Variants in PLEKHA6 observed in about 807,000 individuals in gnomAD.
The protein encoded by PLEKHA6 is pleckstrin homology domain containing A6.
Under a neutral mutation model 116.7 loss-of-function variants are expected in PLEKHA6, and 60 were observed. The ratio of observed to expected loss-of-function variants is 0.51; its 90% confidence interval spans 0.42 to 0.64. The LOEUF (loss-of-function observed/expected upper bound fraction) is 0.64. Among genes scored for constraint, PLEKHA6 ranks in the 30% least tolerant of loss-of-function variants. The probability of loss-of-function intolerance (pLI) is 0.00; values close to 1 mark genes in which losing one functional copy is unlikely to be tolerated. For missense variants in PLEKHA6, 1,338 were observed against 1,422.7 expected (o/e 0.94, Z 0.96); for synonymous variants, 489 against 556.1 (o/e 0.88, Z 1.70).
chr1:204,226,036 A>C lies in PLEKHA6; in HGVS notation c.3031+2047T>G, dbSNP rs554512938. 3.8e-4 allele frequency among the ~76,000 whole-genome samples: 58 copies of C among 152,164 alleles called. No individual in the cohort carries two copies. The Middle Eastern group carries it at 0.014, about 36-fold the overall frequency. On this transcript the variant is annotated intron_variant, in intron 21 of 22. Coordinates refer to ENST00000272203, the MANE Select transcript of PLEKHA6 (RefSeq NM_014935.5). Reference sequence around the variant, plus strand: ...ACACCACACGCGGGCACTGAACTCTACTCGCTGCACCCGCTGCACGCTGTG... The same window carrying C: ...ACACCACACGCGGGCACTGAACTCTCCTCGCTGCACCCGCTGCACGCTGTG...
intron 1 of PLEKHA6, among the ~76,000 whole-genome samples, chr1:204,285,461 T>A (rs1221343190): frequency 1.6e-5 from 1 of 61,242 alleles, no homozygotes. Context: ...TGTTGTTGGT[T>A]TTTTTTTGGT....
chr1:204,239,414 T>C (rs59348121), intron 17 of PLEKHA6, among the ~76,000 whole-genome samples: 17,214 of 152,224 alleles, frequency 0.11, 1,252 homozygotes, highest in African/African-American at 0.2. Context: ...TTGGACCTCT[T>C]CCATCATGGA....
chr1:204,254,414 C>A (rs1408941060), intron 9 of PLEKHA6, among the ~76,000 whole-genome samples: 3 of 152,166 alleles, frequency 2.0e-5, no homozygotes, highest in Admixed American at 2.0e-4. Context: ...CTAGAAGAAC[C>A]AACAGTTGCA....
intron 12 of PLEKHA6, among the ~76,000 whole-genome samples, chr1:204,248,000 G>A (rs1471455610): frequency 6.6e-6 from 1 of 151,830 alleles, no homozygotes; most frequent in African/African-American, 2.4e-5. Flanking sequence ...AGAGCCTGAA[G>A]GAGGATATTT....
At chr1:204,295,465 G>A (rs895846934) in intron 1 of PLEKHA6, among the ~76,000 whole-genome samples, 13 of 150,668 alleles carry the variant, frequency 8.6e-5, no homozygotes, top group Non-Finnish European at 1.2e-4. Flanking sequence ...ACTCTAGCCT[G>A]GGTGACAGAG....
In PLEKHA6 at chr1:204,273,766, G is replaced by T. The variant is rs958882448; in HGVS notation, c.-13-26C>A. 3.4e-6 allele frequency: 5 copies of T among 1,473,892 alleles called. No individual in the cohort carries two copies. In the African/African-American group the frequency reaches 6.9e-5, roughly 20 times the overall value. 91.3% of individuals were successfully genotyped at this position (1,473,892 alleles called of 1,614,324 possible). A position where few individuals can be genotyped will look rare whatever the true frequency, so the allele number is the denominator to read the frequency against. On this transcript the variant is annotated intron_variant, in intron 2 of 22. Transcript: ENST00000272203. Reference sequence around the variant, plus strand: ...CTGATTTCAAGTCGACCAGAGAAAAGAGATTGGTGAGATCCAAGAAACAAT... The same window carrying T: ...CTGATTTCAAGTCGACCAGAGAAAATAGATTGGTGAGATCCAAGAAACAAT...
chr1:204,243,486 CCA>C (rs1663148188), intron 15 of PLEKHA6, among the ~76,000 whole-genome samples: 1 of 152,156 alleles, frequency 6.6e-6, no homozygotes, highest in African/African-American at 2.4e-5. Context: ...TACCTGTCCA[CCA>C]CTCCCCACTG....
chr1:204,332,128 C>T (rs76068621), intron 1 of PLEKHA6, among the ~76,000 whole-genome samples: 1,552 of 152,256 alleles, frequency 0.01, 10 homozygotes, highest in Admixed American at 0.02. Flanking sequence ...CCAAAAGGAG[C>T]CTGCCCTAGC....
At chr1:204,309,590 A>G (rs1671583822) in intron 1 of PLEKHA6, 1 of 229,544 alleles carries the variant, frequency 4.4e-6, no homozygotes, top group Admixed American at 6.5e-5. Flanking sequence ...GGGCTTGTGT[A>G]CGTACACTGT....
chr1:204,304,243 T>G (rs1235518857), intron 1 of PLEKHA6, among the ~76,000 whole-genome samples: 2 of 152,202 alleles, frequency 1.3e-5, no homozygotes, highest in African/African-American at 4.8e-5. Context: ...CCCAAAGCCC[T>G]GCTATCCCTG....
intron 9 of PLEKHA6, among the ~76,000 whole-genome samples, chr1:204,254,343 T>G (rs1664982073): frequency 6.6e-6 from 1 of 152,224 alleles, no homozygotes; most frequent in African/African-American, 2.4e-5. Flanking sequence ...TGAGGCCTAT[T>G]ACAAAATCGA....
intron 21 of PLEKHA6, among the ~76,000 whole-genome samples, chr1:204,225,844 T>C (rs1367223516): frequency 6.6e-6 from 1 of 152,206 alleles, no homozygotes; most frequent in Non-Finnish European, 1.5e-5. Context: ...AATAAATGCA[T>C]GAATCTACAA....
intron 1 of PLEKHA6, among the ~76,000 whole-genome samples, chr1:204,292,513 T>A (rs1669872064): frequency 6.6e-6 from 1 of 152,056 alleles, no homozygotes; most frequent in Admixed American, 6.5e-5. Flanking sequence ...CCCACCTGTG[T>A]CCCTCACCCT....
Position 204,261,606 on chromosome 1 carries a change from G to A in PLEKHA6, c.382-158C>T. On this transcript the variant is annotated intron_variant, in intron 6 of 22. Transcript: ENST00000272203. This position sits in a 1 kb window ranked among gnomAD's most constrained non-coding sequence, Gnocchi z 4.0. The stretch of plus-strand genomic sequence containing the variant: ...CCCATGCGGAGCTCAGGAGCAAGGT[G>A]AAGAGGGCAGCTTGCAGCTACCCCG... 2 of 776,550 alleles carry A rather than the reference G, an allele frequency of 2.6e-6. No individual in the cohort carries two copies. Among genetic ancestry groups the A allele is most frequent in the Non-Finnish European group, 4.1e-6 (2 of 492,162 alleles). The allele number at this position is 776,550 out of a possible 1,614,324, so 48.1% of individuals were successfully genotyped here.
At chr1:204,353,107 A>T (rs1011571593) in intron 1 of PLEKHA6, among the ~76,000 whole-genome samples, 12 of 152,230 alleles carry the variant, frequency 7.9e-5, no homozygotes, top group African/African-American at 2.9e-4. Flanking sequence ...AGTTCTACCC[A>T]CCACTTAATT....
chr1:204,295,019 G>T (rs746353753), intron 1 of PLEKHA6, among the ~76,000 whole-genome samples: 1 of 152,170 alleles, frequency 6.6e-6, no homozygotes, highest in Admixed American at 6.5e-5. Context: ...CATCAAGATA[G>T]TACCCTCTCC....
chr1:204,228,590 C>T lies in PLEKHA6; in HGVS notation c.2885+138G>A. The T allele has an allele frequency of 1.3e-6, 1 of 762,480 alleles. No homozygotes were observed. The highest frequency in any genetic ancestry group is 1.7e-5 in the African/African-American group (1 of 58,090). 47.2% of individuals were successfully genotyped at this position (762,480 alleles called of 1,614,324 possible). On this transcript the variant is annotated intron_variant, in intron 20 of 22. Coordinates refer to ENST00000272203, the MANE Select transcript of PLEKHA6 (RefSeq NM_014935.5). This position sits in a 1 kb window ranked among gnomAD's most constrained non-coding sequence, Gnocchi z 4.0. ...ATCCTTGCCTCTGCCGGTAGCTGGG[C>T]CCTGTCTGCTGCCTGGAGTCACCAC... is the stretch of plus-strand genomic sequence containing the variant.
chr1:204,246,251 A>G (rs940209166), intron 13 of PLEKHA6, among the ~76,000 whole-genome samples: 1 of 152,224 alleles, frequency 6.6e-6, no homozygotes, highest in African/African-American at 2.4e-5. Flanking sequence ...ATTTGCATAT[A>G]CAGTGCTAAC....
At chr1:204,246,873 T>C (rs1366926468) in intron 13 of PLEKHA6, among the ~76,000 whole-genome samples, 1 of 152,226 alleles carries the variant, frequency 6.6e-6, no homozygotes, top group Admixed American at 6.5e-5. Context: ...CAGTGGCTCA[T>C]GCCTGTAATC....
Sources: allele counts gnomAD v4.1 joint callset (sites outside exome capture counted in the v4.1 genomes callset), GRCh38; gene constraint gnomAD v4.1.1; non-coding constraint Gnocchi (gnomAD v3.1); transcripts MANE v1.5; gene names NCBI Gene and HGNC (gene_info 2026-07-23, HGNC 2026-07-21).